ATE1: variants seen among roughly 807,000 people sequenced by gnomAD.
ATE1 encodes the protein arginyl-tRNA--protein transferase 1.
Under a neutral mutation model 70.5 loss-of-function variants are expected in ATE1, and 36 were observed. The ratio of observed to expected loss-of-function variants is 0.51; its 90% CI spans 0.39 to 0.67. The LOEUF (loss-of-function observed/expected upper bound fraction) is 0.67, where lower values mean the gene tolerates loss of function less well. Among genes scored for constraint, ATE1 ranks in the 30% least tolerant of loss-of-function variants. The probability of loss-of-function intolerance (pLI) is 0.00; values close to 1 mark genes in which losing one functional copy is unlikely to be tolerated. For missense variants in ATE1, 593 were observed against 629.5 expected, an observed-to-expected ratio of 0.94 and a Z score of 0.62; for synonymous variants, 232 against 219.3, an observed-to-expected ratio of 1.06 and a Z score of -0.51.
intron 7 of ATE1, among the ~76,000 whole-genome samples, chr10:121,892,540 G>A (rs1372888468): frequency 7.2e-6 from 1 of 138,512 alleles, no homozygotes; most frequent in South Asian, 2.2e-4. Flanking sequence ...CCCTCTTGTC[G>A]CCCTCGCCAA....
chr10:121,871,262 G>C (rs757553013), intron 7 of ATE1, among the ~76,000 whole-genome samples: 2 of 151,932 alleles, frequency 1.3e-5, no homozygotes, highest in Non-Finnish European at 2.9e-5. Flanking sequence ...AGTTCGAGTC[G>C]AGCCTGGCCA....
chr10:121,917,062 G>T (rs1373308384), intron 3 of ATE1, among the ~76,000 whole-genome samples: 2 of 152,148 alleles, frequency 1.3e-5, no homozygotes, highest in African/African-American at 4.8e-5. Flanking sequence ...TACTCAGGAG[G>T]CTGAGGCAGG....
intron 9 of ATE1, among the ~76,000 whole-genome samples, chr10:121,839,328 T>C (rs547256637): frequency 3.3e-5 from 5 of 152,328 alleles, no homozygotes; most frequent in Non-Finnish European, 7.3e-5. Flanking sequence ...ATGAAATATT[T>C]CAGACACAGG....
At position 121,829,708 on chromosome 10, in the gene ATE1, C is replaced by CA. The variant is rs1189416701; in HGVS notation, c.1257+7009dup. Reference sequence around the variant, plus strand: ...TGGGCGACAGAGCGAGACTCTGTCTCAAAAAAAAAGAAAAAAAAAAGAAAG... The same window carrying CA: ...TGGGCGACAGAGCGAGACTCTGTCTCAAAAAAAAAAGAAAAAAAAAAGAAAG... On this transcript the variant is annotated intron_variant, in intron 10 of 11. Coordinates refer to ENST00000224652, the MANE Select transcript of ATE1 (RefSeq NM_001001976.3). Among the ~76,000 whole-genome samples, 302 of 112,472 alleles carry CA rather than the reference C, an allele frequency of 2.7e-3. 1 individual carries two copies. Among genetic ancestry groups the CA allele is most frequent in the Non-Finnish European group, 2.6e-3 (143 of 54,180 alleles). 73.8% of individuals were successfully genotyped at this position (112,472 alleles called of 152,430 possible). A position where few individuals can be genotyped will look rare whatever the true frequency, so the allele number is the denominator to read the frequency against.
At chr10:121,891,639 A>G (rs1326228276) in intron 7 of ATE1, among the ~76,000 whole-genome samples, 1 of 152,172 alleles carries the variant, frequency 6.6e-6, no homozygotes, top group Non-Finnish European at 1.5e-5. Flanking sequence ...ACTGAAAAGA[A>G]TTGCTTAGAA....
At chr10:121,796,020 A>G (rs2133330896) in intron 10 of ATE1, among the ~76,000 whole-genome samples, 1 of 152,352 alleles carries the variant, frequency 6.6e-6, no homozygotes, top group African/African-American at 2.4e-5. Flanking sequence ...CTTTTTGTAA[A>G]TAAGAAGAAA....
intron 7 of ATE1, among the ~76,000 whole-genome samples, chr10:121,879,658 C>T (rs1166712050): frequency 1.3e-5 from 2 of 152,110 alleles, no homozygotes; most frequent in Non-Finnish European, 2.9e-5. Flanking sequence ...TATTCATAAT[C>T]GTTTCTTTCT....
chr10:121,814,950 T>C (rs1479963123), intron 10 of ATE1, among the ~76,000 whole-genome samples: 1 of 152,222 alleles, frequency 6.6e-6, no homozygotes, highest in Non-Finnish European at 1.5e-5. Flanking sequence ...AGGGTGCTCT[T>C]CGTACTAAAA....
intron 11 of ATE1, among the ~76,000 whole-genome samples, chr10:121,763,648 G>C (rs961265724): frequency 6.6e-6 from 1 of 152,162 alleles, no homozygotes; most frequent in African/African-American, 2.4e-5. Flanking sequence ...CTAGGCCCAT[G>C]AAACTCCTCT....
At chr10:121,761,469 T>C (rs1236235528) in intron 11 of ATE1, among the ~76,000 whole-genome samples, 1 of 49,506 alleles carries the variant, frequency 2.0e-5, no homozygotes, top group Non-Finnish European at 6.5e-5. Flanking sequence ...ATGATAGTTT[T>C]TTTTTCCCAA....
At position 121,832,081 on chromosome 10, in the gene ATE1, G is replaced by C. The variant is rs143512984; in HGVS notation, c.1257+4637C>G. Among the ~76,000 whole-genome samples, 517 of 152,280 alleles carry C rather than the reference G, an allele frequency of 3.4e-3. 2 individuals carry two copies. Among genetic ancestry groups the C allele is most frequent in the African/African-American group, 0.012 (494 of 41,556 alleles). ...GCCACACACCCTGACTAGTCCTCCT[G>C]AAATTCAATAGCTCAGTTTGTGGGA... On this transcript the variant is annotated intron_variant, in intron 10 of 11. Coordinates refer to ENST00000224652, the MANE Select transcript of ATE1 (RefSeq NM_001001976.3).
chr10:121,881,934 C>CGT, intron 7 of ATE1, among the ~76,000 whole-genome samples: 1 of 152,178 alleles, frequency 6.6e-6, no homozygotes. Flanking sequence ...GCTGGGACTA[C>CGT]AGGTGCACGT....
chr10:121,900,678 T>C (rs1950945410), intron 6 of ATE1, among the ~76,000 whole-genome samples: 1 of 152,182 alleles, frequency 6.6e-6, no homozygotes, highest in African/African-American at 2.4e-5. Context: ...TGCAATGCAA[T>C]GAAAACAGCT....
chr10:121,850,169 T>C (rs1445024800), intron 8 of ATE1, among the ~76,000 whole-genome samples: 2 of 152,234 alleles, frequency 1.3e-5, no homozygotes, highest in African/African-American at 4.8e-5. Context: ...GAGTATTCCA[T>C]GCAGCAATTA....
At chr10:121,879,354 C>G (rs1388298243) in intron 7 of ATE1, among the ~76,000 whole-genome samples, 1 of 152,294 alleles carries the variant, frequency 6.6e-6, no homozygotes, top group Non-Finnish European at 1.5e-5. Context: ...TTCTTACCTT[C>G]CACCACGCTG....
At chr10:121,900,997 T>C (rs1478769099) in intron 6 of ATE1, among the ~76,000 whole-genome samples, 1 of 152,150 alleles carries the variant, frequency 6.6e-6, no homozygotes, top group African/African-American at 2.4e-5. Context: ...CCAGGCAAGG[T>C]AGCTCACACC....
At chr10:121,841,368 C>A (rs1348734862) in intron 8 of ATE1, 105 bp from the exon 9 acceptor site, 1 of 839,974 alleles carries the variant, frequency 1.2e-6, no homozygotes, top group East Asian at 3.4e-5. Flanking sequence ...CTTAACTTTC[C>A]TCTTTGTTTC....
intron 8 of ATE1, among the ~76,000 whole-genome samples, chr10:121,854,038 A>G (rs1159672643): frequency 2.0e-5 from 3 of 152,206 alleles, no homozygotes; most frequent in African/African-American, 7.2e-5. Context: ...AGGTTCTAAC[A>G]TATAAATTTT....
At chr10:121,871,027 AG>A (rs1458432733) in intron 7 of ATE1, among the ~76,000 whole-genome samples, 1 of 152,236 alleles carries the variant, frequency 6.6e-6, no homozygotes, top group Non-Finnish European at 1.5e-5. Context: ...TAGTACTCGC[AG>A]GGAATACAAA....
Sources: allele counts gnomAD v4.1 joint callset (sites outside exome capture counted in the v4.1 genomes callset), GRCh38; gene constraint gnomAD v4.1.1; transcripts MANE v1.5; gene names NCBI Gene and HGNC (gene_info 2026-07-23, HGNC 2026-07-21).